Variants in DCP1A observed in about 807,000 individuals in gnomAD.
DCP1A encodes mRNA-decapping enzyme 1A.
In DCP1A, 20 loss-of-function variants were observed where a neutral mutation model predicts 58.0. The ratio of observed to expected loss-of-function variants is 0.34; its 90% CI spans 0.24 to 0.50. The LOEUF is 0.50. Ranked by LOEUF, DCP1A falls within the 20% of genes least tolerant of loss-of-function variation. The pLI is 0.98. For missense variants in DCP1A, 613 were observed against 712.2 expected (o/e 0.86, Z 1.59); for synonymous variants, 285 against 275.1 (o/e 1.04, Z -0.36).
intron 3 of DCP1A, among the ~76,000 whole-genome samples, chr3:53,322,468 T>TAC (rs1491438387): frequency 1.4e-5 from 2 of 144,870 alleles, no homozygotes; most frequent in Non-Finnish European, 3.0e-5. Flanking sequence ...AAAAAAAAAT[T>TAC]ATATATATAT....
At chr3:53,335,469 T>C (rs1190893990) in intron 3 of DCP1A, among the ~76,000 whole-genome samples, 1 of 152,212 alleles carries the variant, frequency 6.6e-6, no homozygotes, top group Non-Finnish European at 1.5e-5. Context: ...TGCTTGGAGC[T>C]CATTCTATTG....
chr3:53,325,983 A>G (rs947721689), intron 3 of DCP1A, among the ~76,000 whole-genome samples: 2 of 152,232 alleles, frequency 1.3e-5, no homozygotes, highest in Non-Finnish European at 2.9e-5. Flanking sequence ...ACCACTGAAC[A>G]CTAATATGGT....
At chr3:53,345,696 T>C (rs1350168522) in intron 1 of DCP1A, among the ~76,000 whole-genome samples, 2 of 152,282 alleles carry the variant, frequency 1.3e-5, no homozygotes, top group East Asian at 1.9e-4. Context: ...TAGTCATATA[T>C]TGAATGTGTT....
intron 3 of DCP1A, among the ~76,000 whole-genome samples, chr3:53,323,546 C>G (rs879998149): frequency 1.3e-5 from 2 of 152,092 alleles, no homozygotes; most frequent in Admixed American, 6.6e-5. Flanking sequence ...TCTGGACATA[C>G]CAAAACAATA....
chr3:53,299,885 C>T (rs1456230743), intron 6 of DCP1A, among the ~76,000 whole-genome samples: 1 of 152,080 alleles, frequency 6.6e-6, no homozygotes, highest in African/African-American at 2.4e-5. Flanking sequence ...CCTCCCACCC[C>T]GAGATGGAGT....
chr3:53,292,187 G>A lies in DCP1A; in HGVS notation c.1265C>T (p.Ser422Phe). 6.2e-7 allele frequency: 1 copy of A among 1,614,002 alleles called. No individual in the cohort carries two copies. Among genetic ancestry groups the A allele is most frequent in the Non-Finnish European group, 8.5e-7 (1 of 1,179,898 alleles). The stretch of plus-strand genomic sequence containing the variant: ...TGTGGCTAGCTGACCAGCTGCCGGA[G>A]AAAAGCTGGCTACCATTGCACCTTT... ...LGKGAMVASF[S>F]PAAGQLATPE... The change falls in exon 7 of 10, where the codon TCT (serine) becomes TTT (phenylalanine). Residue 422 changes from serine to phenylalanine, a missense_variant. By Grantham distance (155) the Ser-to-Phe change is radical. This residue lies in a region of DCP1A where 498 missense variants were observed against 556.7 expected (regional missense o/e 0.89). Coordinates refer to ENST00000610213, the MANE Select transcript of DCP1A (RefSeq NM_018403.7).
chr3:53,329,375 G>A (rs1028119639), intron 3 of DCP1A: 4 of 398,392 alleles, frequency 1.0e-5, no homozygotes, highest in South Asian at 1.3e-4. Context: ...TCAAGAGATC[G>A]ATGCCCGATA....
chr3:53,331,377 C>G (rs77850423), intron 3 of DCP1A, among the ~76,000 whole-genome samples: 276 of 152,302 alleles, frequency 1.8e-3, no homozygotes, highest in Non-Finnish European at 1.6e-3. Context: ...GACTGCATAC[C>G]TAACAGTGGT....
At chr3:53,308,988 C>G (rs112929530) in intron 5 of DCP1A, among the ~76,000 whole-genome samples, 2,623 of 152,198 alleles carry the variant, frequency 0.017, 46 homozygotes, top group Middle Eastern at 0.065. Flanking sequence ...TCCGCACCCC[C>G]CTGACCAAAA....
At chr3:53,331,589 A>G (rs1160742614) in intron 3 of DCP1A, among the ~76,000 whole-genome samples, 4 of 147,736 alleles carry the variant, frequency 2.7e-5, no homozygotes, top group Non-Finnish European at 4.5e-5. Flanking sequence ...ACACTCTATG[A>G]TGTGCATACA....
chr3:53,287,549 G>A lies in DCP1A; in HGVS notation c.*31C>T, dbSNP rs782770201. On this transcript the variant is annotated 3_prime_UTR_variant, in exon 10 of 10. Transcript: ENST00000610213. ...TGAAGCCTATTTGTCTCTGAGGCTG[G>A]GGCTCTGCCTTTAGACTTATTCTGC... is the stretch of plus-strand genomic sequence containing the variant. 3 of 1,485,002 alleles carry A rather than the reference G, an allele frequency of 2.0e-6. No individual in the cohort carries two copies. The highest frequency in any genetic ancestry group is 2.8e-6 in the Non-Finnish European group (3 of 1,064,000). The allele number at this position is 1,485,002 out of a possible 1,614,324, so 92.0% of individuals were successfully genotyped here.
intron 6 of DCP1A, among the ~76,000 whole-genome samples, chr3:53,303,071 T>C (rs1707360861): frequency 6.6e-6 from 1 of 151,998 alleles, no homozygotes; most frequent in African/African-American, 2.4e-5. Context: ...TACCTCAGCC[T>C]CCCAATTAGC....
chr3:53,289,219 C>T (rs978173425), intron 8 of DCP1A, among the ~76,000 whole-genome samples: 1 of 151,150 alleles, frequency 6.6e-6, no homozygotes, highest in Non-Finnish European at 1.5e-5. Flanking sequence ...CCTAGGCCTC[C>T]CAAAGTGCTG....
chr3:53,315,494 A>C (rs1265833112), intron 4 of DCP1A, among the ~76,000 whole-genome samples: 2 of 140,574 alleles, frequency 1.4e-5, no homozygotes, highest in Non-Finnish European at 3.0e-5. Flanking sequence ...AACCCAGATC[A>C]CGCCACCACA....
At chr3:53,304,633 C>T (rs377446127) in intron 5 of DCP1A, among the ~76,000 whole-genome samples, 4 of 152,142 alleles carry the variant, frequency 2.6e-5, no homozygotes, top group African/African-American at 4.8e-5. Context: ...ACTGCAGTGG[C>T]GCAATCTTGG....
intron 3 of DCP1A, among the ~76,000 whole-genome samples, chr3:53,341,608 C>T (rs782461986): frequency 3.3e-5 from 5 of 152,100 alleles, no homozygotes; most frequent in Non-Finnish European, 7.3e-5. Context: ...AGGCATAAAC[C>T]TTATTTTAAT....
intron 6 of DCP1A, among the ~76,000 whole-genome samples, chr3:53,296,200 T>G (rs983592066): frequency 2.0e-5 from 3 of 152,242 alleles, no homozygotes; most frequent in Admixed American, 6.5e-5. Context: ...CGGCCCACCA[T>G]GTGGTCTTAA....
In DCP1A at chr3:53,292,099, G is replaced by A. The variant is rs782602453; in HGVS notation, c.1353C>T (p.Ser451=). 3.7e-6 allele frequency: 6 copies of A among 1,613,170 alleles called. No individual in the cohort carries two copies. The East Asian group carries it at 1.1e-4, about 30-fold the overall frequency. Residue 451 remains serine (S), a synonymous_variant, in exon 7 of 10, where the codon TCC becomes TCT. Coordinates refer to ENST00000610213, the MANE Select transcript of DCP1A (RefSeq NM_018403.7). Reference sequence around the variant, plus strand: ...GGGGAGCAAGCACCATGTTGCTCAGGGAGGCTGAGGCCGCCACTCTTGCTG... The same window carrying A: ...GGGGAGCAAGCACCATGTTGCTCAGAGAGGCTGAGGCCGCCACTCTTGCTG... The part of the protein sequence containing the change: ...TAAARVAASA[S]LSNMVLAPLQ...
rs185308112 is a variant in DCP1A, at chr3:53,322,875, G to A, written c.305-3402C>T. ...CACCCAGGCTGGAGTGCAGTGGCAC[G>A]ATCTTGGCTCATTGCAAGCTCTGCC... On this transcript the variant is annotated intron_variant, in intron 3 of 9. Coordinates refer to ENST00000610213, the MANE Select transcript of DCP1A (RefSeq NM_018403.7). Among the ~76,000 whole-genome samples the A allele has an allele frequency of 2.3e-3, 352 of 150,662 alleles. 1 individual carries two copies. Among genetic ancestry groups the A allele is most frequent in the African/African-American group, 8.0e-3 (326 of 40,982 alleles).
Sources: allele counts gnomAD v4.1 joint callset (sites outside exome capture counted in the v4.1 genomes callset), GRCh38; gene constraint gnomAD v4.1.1; regional missense constraint gnomAD v4.1.1; transcripts MANE v1.5; gene names NCBI Gene and HGNC (gene_info 2026-07-23, HGNC 2026-07-21).